SERGEF: variants seen among roughly 807,000 people sequenced by gnomAD.
SERGEF encodes secretion-regulating guanine nucleotide exchange factor.
SERGEF carries 51 observed loss-of-function variants against 50.0 expected under a neutral mutation model. That is an observed-to-expected ratio of 1.02 (90% CI 0.81 to 1.29). The LOEUF is 1.29. Ranked by LOEUF, SERGEF falls within the 50% of genes most tolerant of loss-of-function variation. The pLI is 0.00. For synonymous variants in SERGEF, 205 were observed against 212.4 expected (o/e 0.97, Z 0.30); for missense variants, 521 against 557.0 (o/e 0.94, Z 0.65).
chr11:18,010,299 C>T, intron 1 of SERGEF: 1 of 264,502 alleles, frequency 3.8e-6, no homozygotes, highest in Non-Finnish European at 7.5e-6. Context: ...GGCATAAGTC[C>T]CAGAAGCCCA....
chr11:17,966,928 A>G (rs903426097), intron 8 of SERGEF, among the ~76,000 whole-genome samples: 1 of 152,194 alleles, frequency 6.6e-6, no homozygotes, highest in Non-Finnish European at 1.5e-5. Flanking sequence ...TCAACCCTGA[A>G]TGATTATTGT....
chr11:17,968,708 T>TA (rs1266528975), intron 8 of SERGEF, among the ~76,000 whole-genome samples: 26 of 92,854 alleles, frequency 2.8e-4, no homozygotes, highest in Admixed American at 8.0e-4. Flanking sequence ...TGTCTCTAAT[T>TA]TAAAAAAAAA....
chr11:17,956,192 G>C lies in SERGEF; in HGVS notation c.1011+3278C>G, dbSNP rs374501406. Among the ~76,000 whole-genome samples, 13 of 152,322 alleles carry C rather than the reference G, an allele frequency of 8.5e-5. No homozygotes were observed. In the East Asian group the frequency reaches 1.9e-3, roughly 23 times the overall value. On this transcript the variant is annotated intron_variant, in intron 9 of 10. Coordinates refer to ENST00000265965, the MANE Select transcript of SERGEF (RefSeq NM_012139.4). ...AATAAAGTGTTTCTCAGGCTAGAGA[G>C]GAGACATGGCTCAGAAGAAAAGAAT...
intron 9 of SERGEF, among the ~76,000 whole-genome samples, chr11:17,913,158 C>G (rs1454267432): frequency 6.6e-6 from 1 of 152,220 alleles, no homozygotes; most frequent in African/African-American, 2.4e-5. Flanking sequence ...GCACTGGCTA[C>G]CCGCAGCATC....
intron 9 of SERGEF, among the ~76,000 whole-genome samples, chr11:17,910,149 G>C (rs1851921914): frequency 6.6e-6 from 1 of 150,888 alleles, no homozygotes. Context: ...CAGAGGAACA[G>C]ACTTGGAACC....
At chr11:17,809,528 C>A (rs895915524) in intron 10 of SERGEF, among the ~76,000 whole-genome samples, 1 of 152,156 alleles carries the variant, frequency 6.6e-6, no homozygotes, top group Non-Finnish European at 1.5e-5. Context: ...GATGCACTCA[C>A]ACGATGCCAG....
intron 4 of SERGEF, among the ~76,000 whole-genome samples, chr11:18,001,106 T>C (rs897298472): frequency 7.2e-5 from 11 of 152,212 alleles, no homozygotes; most frequent in African/African-American, 2.7e-4. Context: ...CCCAGGTGCC[T>C]GTTCCATTTT....
chr11:17,866,837 G>C (rs1358885892), intron 10 of SERGEF: 1 of 152,172 alleles, frequency 6.6e-6, no homozygotes, highest in African/African-American at 2.4e-5. Flanking sequence ...AGAAGACAAG[G>C]AGAAGCAAGT....
At chr11:17,928,058 A>G (rs918155540) in intron 9 of SERGEF, among the ~76,000 whole-genome samples, 17 of 152,258 alleles carry the variant, frequency 1.1e-4, no homozygotes, top group Non-Finnish European at 1.5e-5. Context: ...AAGTCTTTAG[A>G]TAAAATGACT....
rs982597613 is a variant in SERGEF at position 18,011,370 on chromosome 11, G to A, written c.60+1581C>T. Among the ~76,000 whole-genome samples, 5 of 152,246 alleles carry A rather than the reference G, an allele frequency of 3.3e-5. No homozygotes were observed. In the East Asian group the frequency reaches 5.8e-4, roughly 18 times the overall value. On this transcript the variant is annotated intron_variant, in intron 1 of 10. Transcript: ENST00000265965. ...AAGAAGAGACACCACGGATGCTCACGCACACAGAAAAGGCCATGTGAGGAC... is the reference window on the plus strand; with the variant it reads ...AAGAAGAGACACCACGGATGCTCACACACACAGAAAAGGCCATGTGAGGAC...
At chr11:18,006,889 G>T in intron 2 of SERGEF, 143 bp from the exon 3 acceptor site, 1 of 905,796 alleles carries the variant, frequency 1.1e-6, no homozygotes, top group Non-Finnish European at 1.7e-6. Context: ...GTATGTTCAT[G>T]TATTCTGGAG....
At chr11:17,789,909 T>C (rs1849452206) in intron 10 of SERGEF, among the ~76,000 whole-genome samples, 1 of 152,282 alleles carries the variant, frequency 6.6e-6, no homozygotes, top group Admixed American at 6.5e-5. Flanking sequence ...CACCTGAACC[T>C]AGGAGGCAGA....
intron 9 of SERGEF, among the ~76,000 whole-genome samples, chr11:17,924,659 T>A (rs1590200665): frequency 8.9e-6 from 1 of 112,074 alleles, no homozygotes; most frequent in South Asian, 2.8e-4. Flanking sequence ...GTGCGGGGGG[T>A]GATTTGGGTT....
intron 9 of SERGEF, among the ~76,000 whole-genome samples, chr11:17,886,557 A>G (rs1485968075): frequency 1.3e-5 from 2 of 152,126 alleles, no homozygotes; most frequent in African/African-American, 4.8e-5. Flanking sequence ...CGAAGGTTGC[A>G]GTGAACCGAG....
chr11:17,912,091 GAAACA>G (rs560570882), intron 9 of SERGEF, among the ~76,000 whole-genome samples: 1 of 152,108 alleles, frequency 6.6e-6, no homozygotes, highest in Non-Finnish European at 1.5e-5. Context: ...CCAAGAGGGA[GAAACA>G]AAACAAAACA....
At chr11:17,915,348 T>C (rs1852030073) in intron 9 of SERGEF, among the ~76,000 whole-genome samples, 1 of 152,160 alleles carries the variant, frequency 6.6e-6, no homozygotes, top group Non-Finnish European at 1.5e-5. Flanking sequence ...TCACAGAATA[T>C]CAAGCTCATC....
intron 10 of SERGEF, among the ~76,000 whole-genome samples, chr11:17,836,993 C>T (rs1376962965): frequency 6.6e-6 from 1 of 152,162 alleles, no homozygotes; most frequent in Non-Finnish European, 1.5e-5. Flanking sequence ...ATGAATCATT[C>T]AGAAATAGCT....
chr11:17,911,343 T>C (rs1565202478), intron 9 of SERGEF, among the ~76,000 whole-genome samples: 3 of 146,696 alleles, frequency 2.0e-5, no homozygotes, highest in South Asian at 2.1e-4. Flanking sequence ...ATATATTATA[T>C]ATAATATATA....
At chr11:17,936,339 G>T (rs1852451650) in intron 9 of SERGEF, among the ~76,000 whole-genome samples, 1 of 152,052 alleles carries the variant, frequency 6.6e-6, no homozygotes, top group Non-Finnish European at 1.5e-5. Flanking sequence ...AAGAGGGCAG[G>T]GTAAGATATT....
Sources: gnomAD v4.1 joint callset for allele counts (sites outside exome capture counted in the v4.1 genomes callset) on GRCh38, gnomAD v4.1.1 for gene constraint, MANE v1.5 for transcripts, NCBI Gene and HGNC (gene_info 2026-07-23, HGNC 2026-07-21) for gene names.